Variants in TROAP observed in about 807,000 individuals in gnomAD.
The protein encoded by TROAP is tastin.
A neutral mutation model predicts 83.4 loss-of-function variants in TROAP; 62 were observed. The ratio of observed to expected loss-of-function variants is 0.74; its 90% CI spans 0.61 to 0.92. The LOEUF is 0.92. TROAP is among the 40% of genes least tolerant of loss of function. TROAP has a pLI of 0.00. For synonymous variants in TROAP, 352 were observed against 386.4 expected (o/e 0.91, Z 1.04); for missense variants, 876 against 985.1 (o/e 0.89, Z 1.48).
rs1417471499 is a variant in TROAP at position 49,324,252 on chromosome 12, A to G, written c.337+215A>G. On this transcript the variant is annotated intron_variant, in intron 3 of 14. Transcript: ENST00000257909. ...CCAGGTGCCATGGCTTGTACCTGTA[A>G]TCACAGCTACTCAGGAGGCTGAAGC... is the stretch of plus-strand genomic sequence containing the variant. 1.9e-6 allele frequency: 3 copies of G among 1,587,566 alleles called. No individual in the cohort carries two copies. In the Admixed American group the frequency reaches 5.0e-5, roughly 27 times the overall value.
intron 3 of TROAP, among the ~76,000 whole-genome samples, chr12:49,324,770 C>G (rs1485918066): frequency 6.6e-6 from 1 of 150,710 alleles, no homozygotes; most frequent in East Asian, 1.9e-4. Context: ...TTACTCTATC[C>G]CTCAGGCTAG....
intron 13 of TROAP, 79 bp downstream of exon 13, chr12:49,331,022 C>T: frequency 6.3e-7 from 1 of 1,575,052 alleles, no homozygotes; most frequent in Non-Finnish European, 8.7e-7. Flanking sequence ...CCTGCCCCTA[C>T]CCCAGGCAAT....
At chr12:49,327,773 G>A (rs1254084954) in intron 8 of TROAP, among the ~76,000 whole-genome samples, 1 of 152,036 alleles carries the variant, frequency 6.6e-6, no homozygotes, top group African/African-American at 2.4e-5. Flanking sequence ...TCAGATGATG[G>A]TAAGTTCTCT....
intron 14 of TROAP, 48 bp from the exon 15 acceptor site, chr12:49,331,525 T>C (rs1319724369): frequency 6.2e-7 from 1 of 1,613,984 alleles, no homozygotes; most frequent in Non-Finnish European, 8.5e-7. Flanking sequence ...AAGGCTTGGC[T>C]ACAGTGCAAG....
chr12:49,325,265 G>A (rs754252875), intron 3 of TROAP, among the ~76,000 whole-genome samples: 2 of 149,820 alleles, frequency 1.3e-5, no homozygotes, highest in Admixed American at 6.6e-5. Context: ...TATGTTGGCC[G>A]GGTTGGTCTC....
In TROAP at chr12:49,330,910, C is replaced by T. The variant is rs550929724; in HGVS notation, c.2065C>T (p.Leu689Phe). Reference protein sequence around the residue: ...PLCASPPICSLQSLRPPAGQA... With the variant: ...PLCASPPICSFQSLRPPAGQA... ...TTGTGCCAGCCCCCCTATCTGCTCA[C>T]TCCAGTCTTTGAGACCCCCAGCAGG... Residue 689 changes from leucine to phenylalanine, a missense_variant, in exon 13 of 15, where the codon CTC becomes TTC. Transcript: ENST00000257909. 2 of 1,612,494 alleles carry T rather than the reference C, an allele frequency of 1.2e-6. No homozygotes were observed. Among genetic ancestry groups the T allele is most frequent in the East Asian group, 2.2e-5 (1 of 44,894 alleles).
At position 49,329,383 on chromosome 12, in the gene TROAP, C is replaced by T. The variant is rs184843720; in HGVS notation, c.1105-12C>T. 4.2e-3 allele frequency: 6,771 copies of T among 1,612,986 alleles called. 21 individuals are homozygous for T. The highest frequency in any genetic ancestry group is 4.8e-3 in the Non-Finnish European group (5,691 of 1,179,324). ...GGTGTCAGCCCTTGCTGACATCTCA[C>T]TTCTGTGCCAGGCCCAGTGGCTGCG... On this transcript the variant is annotated splice_polypyrimidine_tract_variant and intron_variant, in intron 10 of 14. Transcript: ENST00000257909. The surrounding 1 kb of genome is among the most constrained non-coding windows in gnomAD (Gnocchi z 4.5).
intron 3 of TROAP, 26 bp downstream of exon 3, chr12:49,324,063 G>A (rs762665060): frequency 1.2e-6 from 2 of 1,611,618 alleles, no homozygotes; most frequent in Admixed American, 3.3e-5. Flanking sequence ...ATGGTAACAC[G>A]GCCTCCATGG....
At position 49,331,070 on chromosome 12, in the gene TROAP, C is replaced by G. The variant is rs535160028; in HGVS notation, c.2098+127C>G. 6 of 1,538,892 alleles carry G rather than the reference C, an allele frequency of 3.9e-6. No individual in the cohort carries two copies. In the East Asian group the frequency reaches 9.1e-5, roughly 23 times the overall value. ...CACCTTCCACCCTGGCCCAGCCTGG[C>G]TCTCCCTCAGGAAGAGGGGAGGGGC... is the stretch of plus-strand genomic sequence containing the variant. On this transcript the variant is annotated intron_variant, in intron 13 of 14. Transcript: ENST00000257909.
chr12:49,326,088 G>C lies in TROAP; in HGVS notation c.646G>C (p.Gly216Arg), dbSNP rs1213577853. Residue 216 changes from glycine to arginine, a missense_variant, in exon 6 of 15, where the codon GGA (glycine) becomes CGA (arginine). By Grantham distance (125) the Gly-to-Arg change is moderately radical (BLOSUM62 -2). This residue lies in a region of TROAP where 689 missense variants were observed against 722.6 expected (regional missense o/e 0.95). Transcript: ENST00000257909. ...TCCTGTGGATCAGATTTCACCTTCA[G>C]GACCTTCCTTTCACCCTTCCACTCG... ...QRLQALISPS[G>R]PSFHPSTRPS... The C allele has an allele frequency of 6.2e-7, 1 of 1,613,844 alleles. No homozygotes were observed. Among genetic ancestry groups the C allele is most frequent in the South Asian group, 1.1e-5 (1 of 91,068 alleles).
At position 49,323,767 on chromosome 12, in the gene TROAP, ATGG is replaced by A; in HGVS notation, c.144+16_144+18del. 6.2e-7 allele frequency: 1 copy of A among 1,614,062 alleles called. No homozygotes were observed. Among genetic ancestry groups the A allele is most frequent in the South Asian group, 1.1e-5 (1 of 91,076 alleles). On this transcript the variant is annotated intron_variant, in intron 2 of 14. Coordinates refer to ENST00000257909, the MANE Select transcript of TROAP (RefSeq NM_005480.4). Reference sequence around the variant, plus strand: ...AAGATCCAAGGGTAAGAGGGGCCTAATGGGGGAAGACAGTAGTCACACCAGTAA... The same window carrying A: ...AAGATCCAAGGGTAAGAGGGGCCTAAGGGAAGACAGTAGTCACACCAGTAA...
rs747307800 is a variant in TROAP, at chr12:49,325,887, G to A, written c.633+3G>A. ...GCCCCCAGAGGCTACAGGCTCTGGT[G>A]AGTGCCCTTGAGGGGCTGATAGTCG... On this transcript the variant is annotated splice_donor_region_variant and intron_variant, in intron 5 of 14. Coordinates refer to ENST00000257909, the MANE Select transcript of TROAP (RefSeq NM_005480.4). 1.2e-6 allele frequency: 2 copies of A among 1,612,234 alleles called. No individual in the cohort carries two copies. Among genetic ancestry groups the A allele is most frequent in the South Asian group, 1.1e-5 (1 of 90,962 alleles).
intron 3 of TROAP, among the ~76,000 whole-genome samples, chr12:49,325,147 G>A (rs943998901): frequency 2.6e-5 from 4 of 151,652 alleles, no homozygotes; most frequent in Non-Finnish European, 4.4e-5. Flanking sequence ...TCAAACTCCT[G>A]ACCTCAGGTG....
chr12:49,326,738 G>T lies in TROAP; in HGVS notation c.769+18G>T. The T allele has an allele frequency of 1.3e-6, 2 of 1,558,372 alleles. No individual in the cohort carries two copies. The highest frequency in any genetic ancestry group is 1.7e-6 in the Non-Finnish European group (2 of 1,149,888). On this transcript the variant is annotated intron_variant, in intron 7 of 14. Coordinates refer to ENST00000257909, the MANE Select transcript of TROAP (RefSeq NM_005480.4). The stretch of plus-strand genomic sequence containing the variant: ...CCAGCCTGGTAAGTGTTTCTGGCGT[G>T]GGGAGAGAACAGGGGCAGTTGGGCT...
rs144942589 is a variant in TROAP at position 49,325,783 on chromosome 12, C to G, written c.532C>G (p.Pro178Ala). Residue 178 changes from proline (P) to alanine (A), a missense_variant, in exon 5 of 15, where the codon CCC becomes GCC. Coordinates refer to ENST00000257909, the MANE Select transcript of TROAP (RefSeq NM_005480.4). ...CTCTGCATATTTGGCCCCCAGAACC[C>G]CCACCCACCGACTGGACCCTGCCAG... ...RASAYLAPRT[P>A]THRLDPARAS... 467 of 1,614,094 alleles carry G rather than the reference C, an allele frequency of 2.9e-4. No individual in the cohort carries two copies. The African/African-American group carries it at 5.7e-3, about 20-fold the overall frequency.
At position 49,324,041 on chromosome 12, in the gene TROAP, C is replaced by A; in HGVS notation, c.337+4C>A. ...CCTGGGCCCCCTGCCCAGACAGGTA[C>A]CTGTTGGAGCCATGGTAACACGGCC... On this transcript the variant is annotated splice_donor_region_variant and intron_variant, in intron 3 of 14. Transcript: ENST00000257909. 3 of 1,612,348 alleles carry A rather than the reference C, an allele frequency of 1.9e-6. No homozygotes were observed. Among genetic ancestry groups the A allele is most frequent in the South Asian group, 1.1e-5 (1 of 91,026 alleles).
chr12:49,330,684 C>T lies in TROAP; in HGVS notation c.1839C>T (p.Pro613=). The T allele has an allele frequency of 1.2e-6, 2 of 1,614,150 alleles. No homozygotes were observed. The highest frequency in any genetic ancestry group is 1.1e-5 in the South Asian group (1 of 91,082). The change falls in exon 13 of 15, where the codon CCC becomes CCT. Residue 613 remains proline (P), a synonymous_variant. Transcript: ENST00000257909. ...AGGAACAGCTTGAGGTACCTGAGCC[C>T]TGCCCTCCAGCAGAACCCGGGCCCC... The part of the protein sequence containing the change: ...SRQEQLEVPE[P]CPPAEPGPLQ...
intron 7 of TROAP, 111 bp downstream of exon 7, chr12:49,326,831 C>T: frequency 1.6e-6 from 2 of 1,221,756 alleles, no homozygotes; most frequent in Non-Finnish European, 2.3e-6. Context: ...AAGTGGGAGG[C>T]CGGGAGGCTA....
In TROAP at chr12:49,330,201, C is replaced by T. The variant is rs1287127211; in HGVS notation, c.1356C>T (p.Gly452=). 6.2e-7 allele frequency: 1 copy of T among 1,613,930 alleles called. No individual in the cohort carries two copies. The highest frequency in any genetic ancestry group is 1.3e-5 in the African/African-American group (1 of 74,892). Residue 452 remains glycine (G), a synonymous_variant, in exon 13 of 15, where the codon GGC becomes GGT. Transcript: ENST00000257909. ...LRQEVEGLVG[G]QCVPLNGGSS... is the part of the protein sequence containing the mutation. ...AGGAAGTAGAGGGGCTGGTAGGGGG[C>T]CAGTGTGTCCCTCTTAATGGAGGCT...
Sources: gnomAD v4.1 joint callset for allele counts (sites outside exome capture counted in the v4.1 genomes callset) on GRCh38, gnomAD v4.1.1 for gene constraint, gnomAD v4.1.1 regional missense constraint, Gnocchi (gnomAD v3.1) non-coding constraint, MANE v1.5 for transcripts, NCBI Gene and HGNC (gene_info 2026-07-23, HGNC 2026-07-21) for gene names.